Variants in ERC1 observed in about 807,000 individuals in gnomAD.
ERC1 encodes the protein RAB6 interacting protein 2.
ERC1 carries 56 observed loss-of-function variants against 132.0 expected under a neutral mutation model. The ratio of observed to expected loss-of-function variants is 0.42; its 90% CI spans 0.34 to 0.53. ERC1 has a LOEUF of 0.53. Among genes scored for constraint, ERC1 ranks in the 20% least tolerant of loss-of-function variants. The probability of loss-of-function intolerance (pLI) is 0.03; values close to 1 mark genes in which losing one functional copy is unlikely to be tolerated. For synonymous variants in ERC1, 478 were observed against 476.1 expected, an observed-to-expected ratio of 1.00 and a Z score of -0.05; for missense variants, 1,202 against 1,349.9, an observed-to-expected ratio of 0.89 and a Z score of 1.72.
At chr12:1,024,074 A>G (rs954588235) in intron 1 of ERC1, among the ~76,000 whole-genome samples, 1 of 152,156 alleles carries the variant, frequency 6.6e-6, no homozygotes, top group African/African-American at 2.4e-5. Flanking sequence ...TAAATTTGAT[A>G]GGGCTGCTGT....
intron 2 of ERC1, among the ~76,000 whole-genome samples, chr12:1,038,797 A>G (rs192184620): frequency 1.4e-4 from 22 of 152,348 alleles, no homozygotes; most frequent in African/African-American, 5.3e-4. Context: ...CTGTCAGCAG[A>G]GTGGATTGAA....
chr12:1,164,668 T>C (rs1371568385), intron 8 of ERC1, among the ~76,000 whole-genome samples: 2 of 152,174 alleles, frequency 1.3e-5, no homozygotes, highest in Admixed American at 6.5e-5. Context: ...AGCAGGGTGG[T>C]GGTGGTGTCA....
chr12:1,392,528 A>C (rs2090060822), intron 16 of ERC1, among the ~76,000 whole-genome samples: 1 of 152,058 alleles, frequency 6.6e-6, no homozygotes, highest in African/African-American at 2.4e-5. Flanking sequence ...GTTTTGGAAA[A>C]CCATACCTCT....
At chr12:1,163,514 A>G (rs1272078583) in intron 8 of ERC1, among the ~76,000 whole-genome samples, 1 of 152,236 alleles carries the variant, frequency 6.6e-6, no homozygotes, top group Non-Finnish European at 1.5e-5. Context: ...ACGCAGTGGC[A>G]TAAACAACCA....
At chr12:1,466,789 G>C (rs758492809) in intron 18 of ERC1, among the ~76,000 whole-genome samples, 1 of 152,134 alleles carries the variant, frequency 6.6e-6, no homozygotes, top group African/African-American at 2.4e-5. Context: ...GAGACATAAA[G>C]CCATAAAATA....
chr12:1,263,641 C>G (rs905457185), intron 14 of ERC1, among the ~76,000 whole-genome samples: 6 of 152,018 alleles, frequency 3.9e-5, no homozygotes, highest in African/African-American at 1.2e-4. Flanking sequence ...ACAACCCTGG[C>G]TTTTAAACGG....
rs1555186022 is a variant in ERC1 at position 991,247 on chromosome 12, C to CGGCGGCGGCGGTAGT, written c.-221_-220insTAGTGGCGGCGGCGG. The CGGCGGCGGCGGTAGT allele has an allele frequency of 1.1e-4, 17 of 158,586 alleles. No individual in the cohort carries two copies. The highest frequency in any genetic ancestry group is 1.8e-4 in the Non-Finnish European group (14 of 76,544). 9.8% of individuals were successfully genotyped at this position (158,586 alleles called of 1,614,324 possible). A position where few individuals can be genotyped will look rare whatever the true frequency, so the allele number is the denominator to read the frequency against. On this transcript the variant is annotated 5_prime_UTR_variant, in exon 1 of 19. Coordinates refer to ENST00000360905, the MANE Select transcript of ERC1 (RefSeq NM_178040.4). ...CGCGGGCGCCTGGGCCGTGCTGTGG[C>CGGCGGCGGCGGTAGT]GGCGGCGGCGGCGGTAGTGGCGGCG...
intron 12 of ERC1, among the ~76,000 whole-genome samples, chr12:1,236,334 A>G (rs143883585): frequency 1.4e-4 from 22 of 152,192 alleles, no homozygotes; most frequent in Non-Finnish European, 2.6e-4. Context: ...TACATTATAT[A>G]CAGTGTATTG....
chr12:1,355,026 G>A (rs939197792), intron 15 of ERC1, among the ~76,000 whole-genome samples: 82 of 152,178 alleles, frequency 5.4e-4, no homozygotes, highest in African/African-American at 1.9e-3. Flanking sequence ...AAAGAGAGAA[G>A]GTGGGGTTCC....
At chr12:1,360,522 A>G (rs2085988032) in intron 15 of ERC1, among the ~76,000 whole-genome samples, 1 of 152,218 alleles carries the variant, frequency 6.6e-6, no homozygotes. Context: ...TGTAATCCAA[A>G]ACCTATCACT....
intron 18 of ERC1, among the ~76,000 whole-genome samples, chr12:1,483,035 G>A (rs560952024): frequency 6.6e-6 from 1 of 152,186 alleles, no homozygotes; most frequent in Admixed American, 6.5e-5. Context: ...GGTGGCTCAC[G>A]CCTGTAATCC....
At chr12:1,132,487 C>G (rs550973415) in intron 7 of ERC1, among the ~76,000 whole-genome samples, 1 of 152,082 alleles carries the variant, frequency 6.6e-6, no homozygotes, top group Non-Finnish European at 1.5e-5. Context: ...CAGTGCCGTG[C>G]GGGTATTTAT....
At chr12:1,413,614 AAAAG>A (rs2091960026) in intron 17 of ERC1, among the ~76,000 whole-genome samples, 1 of 152,148 alleles carries the variant, frequency 6.6e-6, no homozygotes, top group Non-Finnish European at 1.5e-5. Flanking sequence ...AAGGTAAAAA[AAAAG>A]AAAAAGAAAT....
intron 1 of ERC1, among the ~76,000 whole-genome samples, chr12:1,013,875 A>G (rs1965085249): frequency 6.6e-6 from 1 of 152,054 alleles, no homozygotes; most frequent in Non-Finnish European, 1.5e-5. Context: ...AGGGCTAAAG[A>G]TGTGTGCCAC....
At chr12:1,247,353 T>A (rs896007460) in intron 13 of ERC1, among the ~76,000 whole-genome samples, 36 of 152,346 alleles carry the variant, frequency 2.4e-4, no homozygotes, top group African/African-American at 8.7e-4. Context: ...AGTGTTAATT[T>A]CCCAGTTTTG....
chr12:1,055,303 C>T (rs573366497), intron 2 of ERC1, among the ~76,000 whole-genome samples: 1 of 152,224 alleles, frequency 6.6e-6, no homozygotes, highest in East Asian at 1.9e-4. Flanking sequence ...CCTCAGCCTC[C>T]CCAGTAGCTG....
intron 15 of ERC1, among the ~76,000 whole-genome samples, chr12:1,313,855 G>A (rs901803497): frequency 6.6e-6 from 1 of 152,020 alleles, no homozygotes; most frequent in African/African-American, 2.4e-5. Flanking sequence ...ATGGTGGTAG[G>A]TGCCTATAAT....
chr12:1,047,577 C>G (rs945096770), intron 2 of ERC1, among the ~76,000 whole-genome samples: 1 of 152,134 alleles, frequency 6.6e-6, no homozygotes, highest in African/African-American at 2.4e-5. Context: ...AGTGAATAAA[C>G]TAGAATTAGT....
At chr12:1,290,355 G>C (rs1458644900) in intron 15 of ERC1, among the ~76,000 whole-genome samples, 1 of 152,126 alleles carries the variant, frequency 6.6e-6, no homozygotes, top group African/African-American at 2.4e-5. Context: ...TGAAGACTAG[G>C]CAATTTTTAA....
Sources: allele counts gnomAD v4.1 joint callset (sites outside exome capture counted in the v4.1 genomes callset), GRCh38; gene constraint gnomAD v4.1.1; transcripts MANE v1.5; gene names NCBI Gene and HGNC (gene_info 2026-07-23, HGNC 2026-07-21).